NDUFC1: variants seen among roughly 807,000 people sequenced by gnomAD.
The protein encoded by NDUFC1 is NADH:ubiquinone oxidoreductase subunit C1.
A neutral mutation model predicts 11.6 loss-of-function variants in NDUFC1; 11 were observed. The ratio of observed to expected loss-of-function variants is 0.95; its 90% CI spans 0.60 to 1.58. The LOEUF is 1.58. NDUFC1 is among the 40% of genes most tolerant of loss of function. NDUFC1 has a pLI of 0.00. For missense variants in NDUFC1, 112 were observed against 93.0 expected, an observed-to-expected ratio of 1.20 and a Z score of -0.84; for synonymous variants, 52 against 42.2, an observed-to-expected ratio of 1.23 and a Z score of -0.90.
intron 1 of NDUFC1, chr4:139,302,018 A>T (rs895965873): frequency 5.6e-6 from 3 of 531,974 alleles, no homozygotes; most frequent in Non-Finnish European, 6.3e-6. Context: ...CGCGCCAGGG[A>T]CCACAGGCTT....
chr4:139,301,722 G>T, intron 1 of NDUFC1: 1 of 1,529,108 alleles, frequency 6.5e-7, no homozygotes, highest in South Asian at 1.2e-5. Context: ...GCGGCGGTCG[G>T]ACAAACTGAC....
In NDUFC1 at chr4:139,295,783, A is replaced by G. The variant is rs757027967; in HGVS notation, c.16T>C (p.Leu6=). MAPSA[L]LRPLSRLLAP... Reference sequence around the variant, plus strand: ...AGCAGCCGGGAAAGGGGACGCAGCAAGGCGGACGGCGCCATCTTGCGTGGC... The same window carrying G: ...AGCAGCCGGGAAAGGGGACGCAGCAGGGCGGACGGCGCCATCTTGCGTGGC... Residue 6 remains leucine, a synonymous_variant, in exon 3 of 6, where the codon TTG becomes CTG. Coordinates refer to ENST00000394223, the MANE Select transcript of NDUFC1 (RefSeq NM_001184989.2). The G allele has an allele frequency of 1.3e-6, 2 of 1,548,922 alleles. No individual in the cohort carries two copies. The highest frequency in any genetic ancestry group is 2.4e-5 in the South Asian group (2 of 84,046).
Position 139,292,555 on chromosome 4 carries a change from C to G in NDUFC1, c.226G>C (p.Glu76Gln). ...TACATTAGTGTTTCAAAAGTTTATT[C>G]CAGCCCATTTCTTCTTTTGTACTCT... Reference protein sequence around the residue: ...ILEYKRRNGLE With the variant: ...ILEYKRRNGLQ The change falls in exon 5 of 6, where the codon GAA becomes CAA. Residue 76 changes from glutamate (E) to glutamine (Q), a missense_variant. Transcript: ENST00000394223. The G allele has an allele frequency of 1.3e-6, 2 of 1,553,916 alleles. No individual in the cohort carries two copies. Among genetic ancestry groups the G allele is most frequent in the Non-Finnish European group, 1.8e-6 (2 of 1,132,662 alleles).
chr4:139,300,653 T>TAACTAGTATCGCCTACTCG (rs1745672609), intron 1 of NDUFC1: 2 of 152,156 alleles, frequency 1.3e-5, no homozygotes, highest in African/African-American at 4.8e-5. Flanking sequence ...CCTACTCGAG[T>TAACTAGTATCGCCTACTCG]AGTTCCCTCT....
intron 1 of NDUFC1, 118 bp from the exon 2 acceptor site, chr4:139,297,561 A>G (rs2110779020): frequency 6.6e-6 from 1 of 152,334 alleles, no homozygotes; most frequent in Non-Finnish European, 1.5e-5. Context: ...CTAAAATCTT[A>G]TTTATGATCC....
At chr4:139,298,942 G>A (rs1579067724) in intron 1 of NDUFC1, among the ~76,000 whole-genome samples, 1 of 151,432 alleles carries the variant, frequency 6.6e-6, no homozygotes, top group East Asian at 1.9e-4. Context: ...CCCAGTGTCG[G>A]GATTATAGGT....
At chr4:139,291,277 T>G (rs1156710150) in intron 5 of NDUFC1, among the ~76,000 whole-genome samples, 2 of 151,632 alleles carry the variant, frequency 1.3e-5, no homozygotes, top group Non-Finnish European at 2.9e-5. Flanking sequence ...AGAAAAAAAT[T>G]TAAAAATTGA....
intron 1 of NDUFC1, chr4:139,301,718 G>T: frequency 6.6e-7 from 1 of 1,524,070 alleles, no homozygotes; most frequent in East Asian, 2.5e-5. Flanking sequence ...AGCGGCGGCG[G>T]TCGGACAAAC....
rs375794098 is a variant in NDUFC1 at position 139,295,159 on chromosome 4, G to C, written c.68-13C>G. On this transcript the variant is annotated splice_polypyrimidine_tract_variant and intron_variant, in intron 3 of 5. Coordinates refer to ENST00000394223, the MANE Select transcript of NDUFC1 (RefSeq NM_001184989.2). ...GATCGCACTGAAGCTGAAAGGGGAA[G>C]AGGGTCTGTAAATTTGTAACTTACT... 5 of 1,609,908 alleles carry C rather than the reference G, an allele frequency of 3.1e-6. No individual in the cohort carries two copies. The highest frequency in any genetic ancestry group is 4.3e-6 in the Non-Finnish European group (5 of 1,176,240).
intron 1 of NDUFC1, chr4:139,301,788 T>C: frequency 6.3e-7 from 1 of 1,582,058 alleles, no homozygotes; most frequent in Non-Finnish European, 8.6e-7. Context: ...ATGCCGGCCG[T>C]GAGCCTCCCG....
At chr4:139,296,997 G>A (rs1448477686) in intron 2 of NDUFC1, among the ~76,000 whole-genome samples, 1 of 152,104 alleles carries the variant, frequency 6.6e-6, no homozygotes, top group Non-Finnish European at 1.5e-5. Flanking sequence ...TGCAAATGGT[G>A]GCTAAATGGA....
intron 1 of NDUFC1, among the ~76,000 whole-genome samples, chr4:139,297,711 A>G (rs1331146486): frequency 6.6e-6 from 1 of 152,222 alleles, no homozygotes; most frequent in Non-Finnish European, 1.5e-5. Context: ...AATGCAAAAA[A>G]CAAAACAAAA....
At chr4:139,294,937 T>A (rs1386002290) in intron 4 of NDUFC1, 106 bp downstream of exon 4, 3 of 765,674 alleles carry the variant, frequency 3.9e-6, no homozygotes, top group Non-Finnish European at 6.8e-6. Flanking sequence ...GTTATGAGAG[T>A]TTCACTGCCA....
In NDUFC1 at chr4:139,295,026, G is replaced by GGGAGTAA; in HGVS notation, c.171+10_171+16dup. ...ACGCTGGTGTAGTCTCACGACATCC[G>GGGAGTAA]GGAGTAAAGTACTTACATAGATCCA... On this transcript the variant is annotated intron_variant, in intron 4 of 5. Transcript: ENST00000394223. 6.3e-7 allele frequency: 1 copy of GGGAGTAA among 1,588,714 alleles called. No homozygotes were observed. The highest frequency in any genetic ancestry group is 2.2e-5 in the East Asian group (1 of 44,720).
rs140354629 is a variant in NDUFC1 at position 139,302,079 on chromosome 4, C to T, written c.-222+337G>A. 4.8e-3 allele frequency: 1,953 copies of T among 404,686 alleles called. 68 individuals are homozygous for T. The East Asian group carries it at 0.067, about 14-fold the overall frequency. The allele number at this position is 404,686 out of a possible 1,614,324, so 25.1% of individuals were successfully genotyped here. On this transcript the variant is annotated intron_variant, in intron 1 of 5. Coordinates refer to ENST00000394223, the MANE Select transcript of NDUFC1 (RefSeq NM_001184989.2). ...CCCTGGTTCCGGACTAGGCCCCGAC[C>T]TCCCGGCTTCTAGACTGCCGGTTCT... is the stretch of plus-strand genomic sequence containing the variant.
intron 1 of NDUFC1, chr4:139,301,700 G>A (rs1745752713): frequency 4.0e-6 from 6 of 1,498,212 alleles, no homozygotes; most frequent in Non-Finnish European, 4.5e-6. Context: ...AAGCAGCTAC[G>A]GAACGGCAGC....
At chr4:139,292,055 T>C (rs933263598) in intron 5 of NDUFC1, among the ~76,000 whole-genome samples, 1 of 152,178 alleles carries the variant, frequency 6.6e-6, no homozygotes, top group African/African-American at 2.4e-5. Flanking sequence ...GCCAGGATGG[T>C]CTTGATCTCC....
chr4:139,295,083 A>G lies in NDUFC1; in HGVS notation c.131T>C (p.Val44Ala). ...PPNAKPDWLK[V>A]GFTLGTTVFL... ...GACAGTGGTGCCCAAGGTGAACCCA[A>G]CTTTCAGCCAGTCAGGTTTGGCATT... is the stretch of plus-strand genomic sequence containing the variant. The change falls in exon 4 of 6, where the codon GTT becomes GCT. Residue 44 changes from valine to alanine, a missense_variant. Coordinates refer to ENST00000394223, the MANE Select transcript of NDUFC1 (RefSeq NM_001184989.2). 9 of 1,614,158 alleles carry G rather than the reference A, an allele frequency of 5.6e-6. No homozygotes were observed. The highest frequency in any genetic ancestry group is 7.6e-6 in the Non-Finnish European group (9 of 1,180,014).
intron 1 of NDUFC1, among the ~76,000 whole-genome samples, chr4:139,299,525 A>G (rs1745616126): frequency 6.6e-6 from 1 of 152,212 alleles, no homozygotes; most frequent in African/African-American, 2.4e-5. Flanking sequence ...ATAGCCTTGG[A>G]TATGTTAACT....
Sources: gnomAD v4.1 joint callset for allele counts (sites outside exome capture counted in the v4.1 genomes callset) on GRCh38, gnomAD v4.1.1 for gene constraint, MANE v1.5 for transcripts, NCBI Gene and HGNC (gene_info 2026-07-23, HGNC 2026-07-21) for gene names.